AKAP6: variants seen among roughly 807,000 people sequenced by gnomAD.
AKAP6 encodes the protein A-kinase anchoring protein 6.
Under a neutral mutation model 188.5 loss-of-function variants are expected in AKAP6, and 58 were observed. That is an observed-to-expected ratio of 0.31 (90% confidence interval 0.25 to 0.38). The LOEUF is 0.38. Ranked by LOEUF, AKAP6 falls within the 10% of genes least tolerant of loss-of-function variation. The pLI, the probability that AKAP6 is intolerant of heterozygous loss-of-function variation, is 1.00. For missense variants in AKAP6, 2,710 were observed against 2,740.0 expected, an observed-to-expected ratio of 0.99 and a Z score of 0.24; for synonymous variants, 989 against 998.6, an observed-to-expected ratio of 0.99 and a Z score of 0.18.
At chr14:32,453,628 G>T (rs1487895733) in intron 2 of AKAP6, among the ~76,000 whole-genome samples, 3 of 110,782 alleles carry the variant, frequency 2.7e-5, no homozygotes, top group African/African-American at 9.6e-5. Context: ...ACGGAGTCTC[G>T]TTCTGTCGCC....
chr14:32,345,141 GA>G (rs1398032796), intron 1 of AKAP6, among the ~76,000 whole-genome samples: 1 of 152,148 alleles, frequency 6.6e-6, no homozygotes, highest in African/African-American at 2.4e-5. Flanking sequence ...TAGGGCCAAT[GA>G]ATATTAAAAT....
intron 1 of AKAP6, among the ~76,000 whole-genome samples, chr14:32,395,171 C>G (rs1222336071): frequency 6.6e-6 from 1 of 152,032 alleles, no homozygotes; most frequent in Non-Finnish European, 1.5e-5. Flanking sequence ...AAATATAACT[C>G]CATCTTCTTT....
intron 12 of AKAP6, among the ~76,000 whole-genome samples, chr14:32,782,767 T>A: frequency 6.6e-6 from 1 of 152,202 alleles, no homozygotes; most frequent in South Asian, 2.1e-4. Flanking sequence ...ATAACTAAAT[T>A]AATAGTGGAC....
chr14:32,683,257 G>A (rs2139654894), intron 8 of AKAP6, among the ~76,000 whole-genome samples: 1 of 152,218 alleles, frequency 6.6e-6, no homozygotes, highest in South Asian at 2.1e-4. Context: ...GCTCTCCAAA[G>A]TGCTGAGATT....
chr14:32,512,725 A>T (rs1008261709), intron 2 of AKAP6, among the ~76,000 whole-genome samples: 12 of 152,344 alleles, frequency 7.9e-5, no homozygotes, highest in African/African-American at 2.9e-4. Flanking sequence ...GCTGAAGAGT[A>T]GTTATAATAC....
intron 11 of AKAP6, among the ~76,000 whole-genome samples, chr14:32,745,315 C>T (rs2031849441): frequency 6.6e-6 from 1 of 152,084 alleles, no homozygotes; most frequent in African/African-American, 2.4e-5. Flanking sequence ...TTAGGGAGCA[C>T]CCTAAACCCA....
chr14:32,511,372 GTTT>G (rs11365498), intron 2 of AKAP6, among the ~76,000 whole-genome samples: 3 of 109,314 alleles, frequency 2.7e-5, no homozygotes, highest in African/African-American at 3.5e-5. Flanking sequence ...TACCTTCTTG[GTTT>G]TTTTTTTTTT....
chr14:32,479,529 GT>G (rs1566528437), intron 2 of AKAP6, among the ~76,000 whole-genome samples: 1 of 151,884 alleles, frequency 6.6e-6, no homozygotes. Flanking sequence ...AGTTTTTTGT[GT>G]GTCATATAGA....
At chr14:32,758,771 C>A (rs1224714488) in intron 11 of AKAP6, among the ~76,000 whole-genome samples, 2 of 152,040 alleles carry the variant, frequency 1.3e-5, no homozygotes, top group Non-Finnish European at 2.9e-5. Context: ...ATCACAGGGG[C>A]TACTATGATT....
chr14:32,761,136 C>A (rs2032522952), intron 11 of AKAP6, among the ~76,000 whole-genome samples: 1 of 144,042 alleles, frequency 6.9e-6, no homozygotes, highest in African/African-American at 2.9e-5. Context: ...TTTATAAAGC[C>A]ATCTCTACCT....
chr14:32,679,339 C>T (rs892795288), intron 8 of AKAP6, among the ~76,000 whole-genome samples: 3 of 151,964 alleles, frequency 2.0e-5, no homozygotes, highest in Non-Finnish European at 4.4e-5. Context: ...TAGTTATGCT[C>T]ATAAAAATGG....
intron 1 of AKAP6, among the ~76,000 whole-genome samples, chr14:32,413,579 C>T (rs948539739): frequency 6.6e-6 from 1 of 152,100 alleles, no homozygotes; most frequent in African/African-American, 2.4e-5. Flanking sequence ...GGGCCAATTC[C>T]TCCCCAAAAC....
chr14:32,598,574 G>A (rs1157912831), intron 5 of AKAP6, among the ~76,000 whole-genome samples: 1 of 152,176 alleles, frequency 6.6e-6, no homozygotes, highest in South Asian at 2.1e-4. Flanking sequence ...GGAGATAAAT[G>A]TAAAACTGGC....
chr14:32,564,857 A>G (rs1018210098), intron 4 of AKAP6, among the ~76,000 whole-genome samples: 15 of 152,200 alleles, frequency 9.9e-5, no homozygotes, highest in Admixed American at 9.2e-4. Flanking sequence ...GATCAACACT[A>G]AATGTTTCCA....
chr14:32,601,054 G>C (rs1239493688), intron 7 of AKAP6, among the ~76,000 whole-genome samples: 1 of 151,832 alleles, frequency 6.6e-6, no homozygotes, highest in Non-Finnish European at 1.5e-5. Context: ...GAGAGAAAGG[G>C]GGACATAAAA....
chr14:32,678,546 C>T (rs751208033), intron 8 of AKAP6, 87 bp downstream of exon 8: 51 of 1,495,996 alleles, frequency 3.4e-5, no homozygotes, highest in African/African-American at 1.2e-4. Context: ...AAGGTATTTC[C>T]TCTTTAGCAA....
At chr14:32,745,503 C>G (rs909575459) in intron 11 of AKAP6, among the ~76,000 whole-genome samples, 1 of 151,532 alleles carries the variant, frequency 6.6e-6, no homozygotes, top group Admixed American at 6.6e-5. Context: ...CTCTGTCTCT[C>G]TCTCTCTCTC....
At chr14:32,419,374 G>C (rs1222699309) in intron 1 of AKAP6, among the ~76,000 whole-genome samples, 3 of 152,122 alleles carry the variant, frequency 2.0e-5, no homozygotes, top group Non-Finnish European at 4.4e-5. Context: ...TAGGAATAAT[G>C]CTTTTGAAAA....
intron 2 of AKAP6, among the ~76,000 whole-genome samples, chr14:32,496,497 T>C (rs1272342607): frequency 6.6e-6 from 1 of 151,998 alleles, no homozygotes; most frequent in Non-Finnish European, 1.5e-5. Context: ...AGTGGCCTAT[T>C]GATATATTGG....
Sources: allele counts gnomAD v4.1 joint callset (sites outside exome capture counted in the v4.1 genomes callset), GRCh38; gene constraint gnomAD v4.1.1; transcripts MANE v1.5; gene names NCBI Gene and HGNC (gene_info 2026-07-23, HGNC 2026-07-21).